SEZ6L: variants seen among roughly 807,000 people sequenced by gnomAD.
SEZ6L encodes seizure 6-like protein.
In SEZ6L, 37 loss-of-function variants were observed where a neutral mutation model predicts 106.2. That is an observed-to-expected ratio of 0.35 (90% CI 0.27 to 0.46). The LOEUF is 0.46. Among genes scored for constraint, SEZ6L ranks in the 20% least tolerant of loss-of-function variants. SEZ6L has a pLI of 1.00. For synonymous variants in SEZ6L, 541 were observed against 570.4 expected (o/e 0.95, Z 0.73); for missense variants, 1,172 against 1,332.8 (o/e 0.88, Z 1.88).
At chr22:26,251,757 G>A (rs930882143) in intron 1 of SEZ6L, among the ~76,000 whole-genome samples, 2 of 152,176 alleles carry the variant, frequency 1.3e-5, no homozygotes, top group African/African-American at 2.4e-5. Flanking sequence ...TCTCACCCCA[G>A]GCCAGGGAGA....
intron 1 of SEZ6L, among the ~76,000 whole-genome samples, chr22:26,233,181 G>C (rs1402717843): frequency 6.6e-6 from 1 of 152,188 alleles, no homozygotes; most frequent in Non-Finnish European, 1.5e-5. Flanking sequence ...TTTTTGCATT[G>C]CTTAGAGAAT....
At chr22:26,268,283 T>C (rs147547654) in intron 1 of SEZ6L, among the ~76,000 whole-genome samples, 1 of 152,190 alleles carries the variant, frequency 6.6e-6, no homozygotes, top group East Asian at 1.9e-4. Flanking sequence ...TCACCCGGTA[T>C]GAACAGAAAA....
chr22:26,196,763 G>A (rs1298762113), intron 1 of SEZ6L, among the ~76,000 whole-genome samples: 1 of 152,180 alleles, frequency 6.6e-6, no homozygotes, highest in Admixed American at 6.5e-5. Context: ...GAAGCAACAG[G>A]TTCAAGGTCT....
intron 6 of SEZ6L, 112 bp downstream of exon 6, chr22:26,306,256 AAAG>A: frequency 8.1e-7 from 1 of 1,229,032 alleles, no homozygotes; most frequent in South Asian, 1.5e-5. Flanking sequence ...GAATTCAAGA[AAAG>A]AAGAGCTGGG....
intron 1 of SEZ6L, among the ~76,000 whole-genome samples, chr22:26,212,357 A>G (rs749295150): frequency 1.3e-5 from 2 of 152,194 alleles, no homozygotes; most frequent in Non-Finnish European, 2.9e-5. Flanking sequence ...GGAATAAAAG[A>G]TTCTATAGCT....
At chr22:26,343,490 T>A (rs976761726) in intron 10 of SEZ6L, among the ~76,000 whole-genome samples, 4 of 152,166 alleles carry the variant, frequency 2.6e-5, no homozygotes, top group African/African-American at 9.7e-5. Context: ...GGCAAGCACT[T>A]TAACATATAT....
chr22:26,351,023 T>A (rs752529420), intron 11 of SEZ6L, 29 bp from the exon 12 acceptor site: 1 of 1,582,412 alleles, frequency 6.3e-7, no homozygotes. Flanking sequence ...AGGTCTGACG[T>A]CCTCTTGGTC....
Position 26,365,556 on chromosome 22 carries a change from C to G in SEZ6L, c.2784C>G (p.Pro928=), listed in dbSNP as rs773191087. The G allele has an allele frequency of 6.2e-7, 1 of 1,613,426 alleles. No homozygotes were observed. Among genetic ancestry groups the G allele is most frequent in the East Asian group, 2.2e-5 (1 of 44,862 alleles). ...CATCCCACTGGAACGGGCCCCTGCC[C>G]GTGTGTAAAGGTAAAGAAACCTACT... The part of the protein sequence containing the change: ...GQPSHWNGPL[P]VCKVNQDSFE... Residue 928 remains proline, a synonymous_variant, in exon 13 of 17, where the codon CCC becomes CCG. Coordinates refer to ENST00000248933, the MANE Select transcript of SEZ6L (RefSeq NM_021115.5).
At chr22:26,346,258 T>C (rs939753755) in intron 10 of SEZ6L, among the ~76,000 whole-genome samples, 1 of 152,158 alleles carries the variant, frequency 6.6e-6, no homozygotes, top group African/African-American at 2.4e-5. Context: ...TCCAAGCTGA[T>C]CTCCAACTCC....
chr22:26,282,242 C>G (rs2080795325), intron 1 of SEZ6L, among the ~76,000 whole-genome samples: 1 of 152,310 alleles, frequency 6.6e-6, no homozygotes, highest in East Asian at 1.9e-4. Context: ...TTACTGTGTT[C>G]TACAATCACG....
chr22:26,240,080 A>T (rs988317124), intron 1 of SEZ6L, among the ~76,000 whole-genome samples: 175 of 141,606 alleles, frequency 1.2e-3, no homozygotes, highest in African/African-American at 4.7e-3. Flanking sequence ...ACACACACAC[A>T]CACACACACA....
chr22:26,339,276 G>A (rs1395878525), intron 9 of SEZ6L, among the ~76,000 whole-genome samples: 1 of 152,036 alleles, frequency 6.6e-6, no homozygotes, highest in Non-Finnish European at 1.5e-5. Flanking sequence ...TTAAGGAGAA[G>A]GAGACAAGAA....
intron 3 of SEZ6L, among the ~76,000 whole-genome samples, chr22:26,295,545 A>G (rs1453834681): frequency 6.6e-6 from 1 of 152,178 alleles, no homozygotes; most frequent in Non-Finnish European, 1.5e-5. Context: ...TGTGTGGCAC[A>G]TTGTAGGTCC....
intron 9 of SEZ6L, among the ~76,000 whole-genome samples, chr22:26,336,969 G>A (rs981300259): frequency 2.0e-5 from 3 of 152,120 alleles, no homozygotes; most frequent in Non-Finnish European, 2.9e-5. Context: ...TGATGGTAAC[G>A]ATGATGATGC....
At chr22:26,252,961 T>C (rs571598898) in intron 1 of SEZ6L, among the ~76,000 whole-genome samples, 3 of 152,318 alleles carry the variant, frequency 2.0e-5, no homozygotes, top group African/African-American at 4.8e-5. Flanking sequence ...CTAGGTCGAA[T>C]TGTAGTTCTG....
At chr22:26,349,838 G>C (rs549107605) in intron 11 of SEZ6L, among the ~76,000 whole-genome samples, 1 of 152,094 alleles carries the variant, frequency 6.6e-6, no homozygotes, top group South Asian at 2.1e-4. Flanking sequence ...TCAGAAATGT[G>C]GATATCTTTT....
chr22:26,372,102 G>A (rs1214063643), intron 13 of SEZ6L, among the ~76,000 whole-genome samples: 1 of 152,124 alleles, frequency 6.6e-6, no homozygotes. Flanking sequence ...CCCTTTTTGT[G>A]AAATAACTGG....
At chr22:26,266,111 G>A (rs956797024) in intron 1 of SEZ6L, among the ~76,000 whole-genome samples, 2 of 152,204 alleles carry the variant, frequency 1.3e-5, no homozygotes, top group African/African-American at 4.8e-5. Flanking sequence ...CAGTGCACAC[G>A]GGTGTGTGTG....
At chr22:26,312,876 C>T (rs1229457844) in intron 8 of SEZ6L, among the ~76,000 whole-genome samples, 1 of 152,162 alleles carries the variant, frequency 6.6e-6, no homozygotes, top group East Asian at 1.9e-4. Context: ...GGCCCGTTTC[C>T]CCATATTCAA....
Sources: gnomAD v4.1 joint callset for allele counts (sites outside exome capture counted in the v4.1 genomes callset) on GRCh38, gnomAD v4.1.1 for gene constraint, MANE v1.5 for transcripts, NCBI Gene and HGNC (gene_info 2026-07-23, HGNC 2026-07-21) for gene names.